SCAMP4: variants seen among roughly 807,000 people sequenced by gnomAD.
The protein encoded by SCAMP4 is secretory carrier membrane protein 4, also known as secretory carrier-associated membrane protein 4.
SCAMP4 carries 19 observed loss-of-function variants against 32.1 expected under a neutral mutation model. That is an observed-to-expected ratio of 0.59 (90% CI 0.41 to 0.87). The LOEUF (loss-of-function observed/expected upper bound fraction) is 0.87, where lower values mean the gene tolerates loss of function less well. Ranked by LOEUF, SCAMP4 falls within the 40% of genes least tolerant of loss-of-function variation. SCAMP4 has a pLI of 0.00. For synonymous variants in SCAMP4, 152 were observed against 132.7 expected, an observed-to-expected ratio of 1.15 and a Z score of -1.00; for missense variants, 302 against 309.0, an observed-to-expected ratio of 0.98 and a Z score of 0.17.
intron 3 of SCAMP4, 76 bp downstream of exon 3, chr19:1,917,898 G>A (rs961911201): frequency 4.4e-6 from 7 of 1,584,118 alleles, no homozygotes; most frequent in African/African-American, 2.7e-5. Flanking sequence ...TTCAGGCAGG[G>A]GCAGCCCGTC....
rs2013908405 is a variant in SCAMP4, at chr19:1,921,169, C to T, written c.396-1901C>T. On this transcript the variant is annotated intron_variant, in intron 5 of 6. Coordinates refer to ENST00000316097, the MANE Select transcript of SCAMP4 (RefSeq NM_079834.4). ...TGCTGTGGGGCGAGAGGGGACAGCC[C>T]CGCTCTCCCTGTCCTGGGCGGCTTC... The T allele has an allele frequency of 4.1e-6, 4 of 985,056 alleles. No individual in the cohort carries two copies. In the South Asian group the frequency reaches 1.9e-4, roughly 46 times the overall value. 61.0% of individuals were successfully genotyped at this position (985,056 alleles called of 1,614,324 possible).
intron 3 of SCAMP4, 104 bp from the exon 4 acceptor site, chr19:1,918,023 C>T: frequency 2.1e-6 from 3 of 1,453,422 alleles, no homozygotes. Context: ...CATGGGGTCA[C>T]TGGGCTGGGG....
intron 2 of SCAMP4, among the ~76,000 whole-genome samples, chr19:1,917,478 G>A (rs1333603957): frequency 6.6e-6 from 1 of 152,000 alleles, no homozygotes; most frequent in African/African-American, 2.4e-5. Context: ...CAGCCTCAGC[G>A]CAGCCTCTTC....
At chr19:1,912,309 C>T (rs1314934770) in intron 1 of SCAMP4, 5 of 1,559,916 alleles carry the variant, frequency 3.2e-6, no homozygotes, top group Non-Finnish European at 4.3e-6. Flanking sequence ...GCTCCCCGCC[C>T]AGCCTCACCT....
At chr19:1,911,309 C>CCACCGGTGT (rs1265947905) in intron 1 of SCAMP4, among the ~76,000 whole-genome samples, 2 of 151,722 alleles carry the variant, frequency 1.3e-5, no homozygotes, top group Non-Finnish European at 2.9e-5. Flanking sequence ...GTAGCTGAAA[C>CCACCGGTGT]CACCGGTGTG....
In SCAMP4 at chr19:1,913,096, A is replaced by G. The variant is rs760028450; in HGVS notation, c.-41-1883A>G. ...CGGCCCGACCTCAACCACCGCTTCC[A>G]GGTGTTCCGCGGGGTGCTGGAGGAG... On this transcript the variant is annotated intron_variant, in intron 1 of 6. Transcript: ENST00000316097. The G allele has an allele frequency of 5.6e-6, 9 of 1,598,758 alleles. No homozygotes were observed. The African/African-American group carries it at 8.0e-5, about 14-fold the overall frequency.
At chr19:1,912,165 G>A (rs762131026) in intron 1 of SCAMP4, 3 of 1,573,002 alleles carry the variant, frequency 1.9e-6, no homozygotes, top group Middle Eastern at 1.7e-4. Context: ...GCCTGAGCCG[G>A]CGCCGTGGCA....
chr19:1,924,437 G>A lies in SCAMP4; in HGVS notation c.*153G>A. 1.5e-6 allele frequency: 1 copy of A among 647,214 alleles called. No homozygotes were observed. Among genetic ancestry groups the A allele is most frequent in the Non-Finnish European group, 2.7e-6 (1 of 370,712 alleles). 40.1% of individuals were successfully genotyped at this position (647,214 alleles called of 1,614,324 possible). A position where few individuals can be genotyped will look rare whatever the true frequency, so the allele number is the denominator to read the frequency against. ...GCCACGGACCGCCCCCCTCCTGCCA[G>A]GGCCACAGAACCCGTGTTCATCTCA... On this transcript the variant is annotated 3_prime_UTR_variant, in exon 7 of 7. Transcript: ENST00000316097.
rs544021914 is a variant in SCAMP4, at chr19:1,918,795, C to T, written c.294-94C>T. 805 of 1,509,072 alleles carry T rather than the reference C, an allele frequency of 5.3e-4. 2 individuals carry two copies. The highest frequency in any genetic ancestry group is 2.1e-3 in the South Asian group (169 of 80,166). 93.5% of individuals were successfully genotyped at this position (1,509,072 alleles called of 1,614,324 possible). On this transcript the variant is annotated intron_variant, in intron 4 of 6. Transcript: ENST00000316097. ...AAAAAAAGGAATAAAATAGAGCCTC[C>T]GCTCTCACCATCTCTGACTGGCCCG...
At chr19:1,912,360 G>C (rs1335106368) in intron 1 of SCAMP4, 1 of 1,528,792 alleles carries the variant, frequency 6.5e-7, no homozygotes, top group Non-Finnish European at 8.7e-7. Flanking sequence ...CAGCCCCCAC[G>C]CCCTGGAGAT....
intron 1 of SCAMP4, chr19:1,912,749 C>T (rs1410054798): frequency 6.5e-7 from 1 of 1,547,886 alleles, no homozygotes; most frequent in East Asian, 2.4e-5. Context: ...GCTGCGCGGA[C>T]AACCCCCTCC....
intron 1 of SCAMP4, chr19:1,912,539 G>C: frequency 6.7e-7 from 1 of 1,500,602 alleles, no homozygotes. Flanking sequence ...ACTGGCCCAC[G>C]TCCTTCCACG....
At chr19:1,922,204 C>T (rs918588937) in intron 5 of SCAMP4, 12 of 985,316 alleles carry the variant, frequency 1.2e-5, no homozygotes, top group Non-Finnish European at 1.3e-5. Context: ...ACAGAGGGAC[C>T]CAGGGCGTGC....
At chr19:1,919,357 G>A (rs1793051790) in intron 5 of SCAMP4, 1 of 985,128 alleles carries the variant, frequency 1.0e-6, no homozygotes, top group African/African-American at 1.7e-5. Flanking sequence ...CGCTGCAGGA[G>A]GAAGACCTGT....
chr19:1,922,424 G>A (rs1016444123), intron 5 of SCAMP4: 39 of 690,826 alleles, frequency 5.6e-5, no homozygotes, highest in East Asian at 2.7e-4. Context: ...TAGTAGAGAC[G>A]GGGTTTCACC....
intron 5 of SCAMP4, chr19:1,922,347 G>A (rs998629626): frequency 3.6e-6 from 3 of 826,858 alleles, no homozygotes; most frequent in African/African-American, 1.9e-5. Context: ...GCAGCCTCCC[G>A]CTTCAGCCTC....
chr19:1,918,528 G>A (rs1343802343), intron 4 of SCAMP4: 5 of 538,678 alleles, frequency 9.3e-6, no homozygotes, highest in African/African-American at 5.7e-5. Context: ...TTGGGAGGCC[G>A]AGGCAGGCGG....
At chr19:1,922,891 T>C (rs2013964030) in intron 5 of SCAMP4, 179 bp from the exon 6 acceptor site, 1 of 1,335,798 alleles carries the variant, frequency 7.5e-7, no homozygotes, top group South Asian at 2.0e-5. Flanking sequence ...TATTCACGCG[T>C]TGAAGTTGGT....
At chr19:1,912,394 C>T in intron 1 of SCAMP4, 1 of 1,517,828 alleles carries the variant, frequency 6.6e-7, no homozygotes. Context: ...GCTGGGCCGG[C>T]CTCGGGCCCG....
Sources: allele counts gnomAD v4.1 joint callset (sites outside exome capture counted in the v4.1 genomes callset), GRCh38; gene constraint gnomAD v4.1.1; transcripts MANE v1.5; gene names NCBI Gene and HGNC (gene_info 2026-07-23, HGNC 2026-07-21).